ADAMTS6: variants seen among roughly 807,000 people sequenced by gnomAD.
The protein encoded by ADAMTS6 is ADAM metallopeptidase with thrombospondin type 1 motif 6, also known as A disintegrin and metalloproteinase with thrombospondin motifs 6.
ADAMTS6 carries 23 observed loss-of-function variants against 144.3 expected under a neutral mutation model. The observed-to-expected ratio is 0.16, with a 90% CI of 0.11 to 0.23. The LOEUF (loss-of-function observed/expected upper bound fraction) is 0.23. Among genes scored for constraint, ADAMTS6 ranks in the 10% least tolerant of loss-of-function variants. The probability of loss-of-function intolerance (pLI) is 1.00; values close to 1 mark genes in which losing one functional copy is unlikely to be tolerated. For synonymous variants in ADAMTS6, 444 were observed against 457.5 expected (o/e 0.97, Z 0.38); for missense variants, 999 against 1,379.6 (o/e 0.72, Z 4.37).
intron 7 of ADAMTS6, among the ~76,000 whole-genome samples, chr5:65,337,612 C>T (rs1329835173): frequency 1.3e-5 from 2 of 151,914 alleles, no homozygotes; most frequent in Non-Finnish European, 2.9e-5. Flanking sequence ...TTCAGTTCCT[C>T]GATATAACTC....
intron 14 of ADAMTS6, among the ~76,000 whole-genome samples, chr5:65,257,420 G>A (rs1289258705): frequency 6.6e-6 from 1 of 151,944 alleles, no homozygotes; most frequent in Non-Finnish European, 1.5e-5. Context: ...CTACTATTCT[G>A]GTTCTTTGAT....
chr5:65,285,849 A>G (rs1211676252), intron 11 of ADAMTS6, among the ~76,000 whole-genome samples: 4 of 152,190 alleles, frequency 2.6e-5, no homozygotes, highest in Non-Finnish European at 5.9e-5. Context: ...TGGATTTCTA[A>G]AAGTGCTATG....
intron 14 of ADAMTS6, among the ~76,000 whole-genome samples, chr5:65,246,790 C>T (rs1300141187): frequency 6.6e-6 from 1 of 152,046 alleles, no homozygotes; most frequent in Non-Finnish European, 1.5e-5. Context: ...ATACATCAGC[C>T]AATATTCTGC....
In ADAMTS6 at chr5:65,188,159, C is replaced by A. The variant is rs763518055; in HGVS notation, c.2767G>T (p.Ala923Ser). 2 of 1,614,134 alleles carry A rather than the reference C, an allele frequency of 1.2e-6. No homozygotes were observed. Among genetic ancestry groups the A allele is most frequent in the Non-Finnish European group, 1.7e-6 (2 of 1,180,002 alleles). Residue 923 changes from alanine to serine, a missense_variant, in exon 22 of 25, where the codon GCA becomes TCA. Around this residue, in one of 3 missense-constraint regions of ADAMTS6, gnomAD observed 619 missense variants for 837.0 expected, o/e 0.74. Transcript: ENST00000381055. ...KTCDGGMRTR[A>S]VLCIRKIGPS... ...CCGATCTTCCTGATGCAGAGCACTG[C>A]CCTTGTGCGCATCCCACCATCACAA...
intron 11 of ADAMTS6, among the ~76,000 whole-genome samples, chr5:65,280,452 C>T (rs1466640986): frequency 6.6e-6 from 1 of 152,280 alleles, no homozygotes; most frequent in East Asian, 1.9e-4. Flanking sequence ...CTAAGCCAAC[C>T]ACCATGTTGA....
intron 3 of ADAMTS6, among the ~76,000 whole-genome samples, chr5:65,469,306 A>G (rs944044752): frequency 6.6e-6 from 1 of 152,118 alleles, no homozygotes; most frequent in Non-Finnish European, 1.5e-5. Flanking sequence ...CATATCTACA[A>G]TCACTCTTCT....
chr5:65,393,865 T>G (rs999329678), intron 7 of ADAMTS6, among the ~76,000 whole-genome samples: 1 of 152,218 alleles, frequency 6.6e-6, no homozygotes, highest in African/African-American at 2.4e-5. Flanking sequence ...TTCTGTTACT[T>G]TTAGTTAGCT....
chr5:65,268,102 C>T (rs1001801491), intron 12 of ADAMTS6, among the ~76,000 whole-genome samples: 7 of 152,166 alleles, frequency 4.6e-5, no homozygotes, highest in Admixed American at 2.6e-4. Flanking sequence ...AGGCTGCAAA[C>T]GTCCTATTAT....
intron 9 of ADAMTS6, among the ~76,000 whole-genome samples, chr5:65,301,500 T>G (rs1338307621): frequency 2.6e-5 from 4 of 152,158 alleles, no homozygotes; most frequent in African/African-American, 4.8e-5. Flanking sequence ...CTTGGCAGCA[T>G]AGAAACAGGG....
At chr5:65,226,699 C>T (rs1243458254) in intron 15 of ADAMTS6, among the ~76,000 whole-genome samples, 1 of 151,982 alleles carries the variant, frequency 6.6e-6, no homozygotes, top group African/African-American at 2.4e-5. Context: ...TCTCCTGCCT[C>T]AGCCTCCTGA....
intron 3 of ADAMTS6, among the ~76,000 whole-genome samples, chr5:65,464,038 C>A (rs937759693): frequency 6.6e-6 from 1 of 152,182 alleles, no homozygotes; most frequent in Admixed American, 6.5e-5. Flanking sequence ...ATCTATTGAT[C>A]CCAAGTCAGT....
chr5:65,348,791 A>T (rs987812927), intron 7 of ADAMTS6, among the ~76,000 whole-genome samples: 2 of 152,062 alleles, frequency 1.3e-5, no homozygotes, highest in African/African-American at 4.8e-5. Context: ...CATTAAAAAA[A>T]TTTTATAACT....
At chr5:65,303,517 G>A (rs1014839045) in intron 9 of ADAMTS6, among the ~76,000 whole-genome samples, 1 of 151,886 alleles carries the variant, frequency 6.6e-6, no homozygotes, top group African/African-American at 2.4e-5. Flanking sequence ...AATAATTATT[G>A]TAATGTAACG....
chr5:65,311,383 T>C (rs1744479341), intron 9 of ADAMTS6, among the ~76,000 whole-genome samples: 1 of 152,156 alleles, frequency 6.6e-6, no homozygotes, highest in South Asian at 2.1e-4. Context: ...TAAAGGTTAT[T>C]CATTAAATTA....
chr5:65,386,255 G>A (rs1201451569), intron 7 of ADAMTS6, among the ~76,000 whole-genome samples: 1 of 151,494 alleles, frequency 6.6e-6, no homozygotes, highest in Non-Finnish European at 1.5e-5. Context: ...TTTAAAGTTG[G>A]GTGATGAGTA....
chr5:65,206,699 C>CAAAA (rs11296295), intron 20 of ADAMTS6, among the ~76,000 whole-genome samples: 53 of 77,824 alleles, frequency 6.8e-4, no homozygotes, highest in East Asian at 7.7e-4. Flanking sequence ...GACTCCATCT[C>CAAAA]AAAAAAAAAA....
intron 7 of ADAMTS6, among the ~76,000 whole-genome samples, chr5:65,408,037 A>G (rs1754714379): frequency 6.6e-6 from 1 of 152,198 alleles, no homozygotes; most frequent in Non-Finnish European, 1.5e-5. Flanking sequence ...CAGCCACTGA[A>G]AAATCATGCC....
In ADAMTS6 at chr5:65,215,309, C is replaced by T; in HGVS notation, c.2436+15G>A. 2 of 1,610,890 alleles carry T rather than the reference C, an allele frequency of 1.2e-6. No individual in the cohort carries two copies. Among genetic ancestry groups the T allele is most frequent in the Non-Finnish European group, 8.5e-7 (1 of 1,178,752 alleles). On this transcript the variant is annotated intron_variant, in intron 19 of 24. Transcript: ENST00000381055. ...ATTAAAAACAGAAGAAATACAATGG[C>T]AAAGACGCATTTACCATGACGATGA...
At chr5:65,215,174 T>TG (rs1287787286) in intron 19 of ADAMTS6, 150 bp downstream of exon 19, 7 of 1,042,610 alleles carry the variant, frequency 6.7e-6, no homozygotes, top group Non-Finnish European at 9.6e-6. Flanking sequence ...GCCTTAACTC[T>TG]GCACAGCTCT....
Sources: allele counts gnomAD v4.1 joint callset (sites outside exome capture counted in the v4.1 genomes callset), GRCh38; gene constraint gnomAD v4.1.1; regional missense constraint gnomAD v4.1.1; transcripts MANE v1.5; gene names NCBI Gene and HGNC (gene_info 2026-07-23, HGNC 2026-07-21).